Variants in COL4A2 observed in about 807,000 individuals in gnomAD.
COL4A2 encodes collagen alpha-2(IV) chain.
COL4A2 carries 99 observed loss-of-function variants against 200.2 expected under a neutral mutation model. That is an observed-to-expected ratio of 0.49 (90% CI 0.42 to 0.58). The LOEUF (loss-of-function observed/expected upper bound fraction) is 0.58, where lower values mean the gene tolerates loss of function less well. Among genes scored for constraint, COL4A2 ranks in the 20% least tolerant of loss-of-function variants. The pLI is 0.00. For missense variants in COL4A2, 1,950 were observed against 2,314.1 expected, an observed-to-expected ratio of 0.84 and a Z score of 3.23; for synonymous variants, 897 against 900.6, an observed-to-expected ratio of 1.00 and a Z score of 0.07.
At chr13:110,417,234 C>T (rs1489756658) in intron 4 of COL4A2, among the ~76,000 whole-genome samples, 2 of 152,166 alleles carry the variant, frequency 1.3e-5, no homozygotes, top group African/African-American at 2.4e-5. Context: ...GGATTACAGG[C>T]ATGAGCCATC....
At chr13:110,480,693 A>G (rs1246426524) in intron 31 of COL4A2, among the ~76,000 whole-genome samples, 2 of 152,266 alleles carry the variant, frequency 1.3e-5, no homozygotes, top group African/African-American at 4.8e-5. Context: ...GCACAGGGAA[A>G]TTTGTGGAGA....
At chr13:110,484,857 G>A in intron 32 of COL4A2, 48 bp from the exon 33 acceptor site, 2 of 1,550,158 alleles carry the variant, frequency 1.3e-6, no homozygotes, top group Non-Finnish European at 1.7e-6. Context: ...GTGTTCTCCT[G>A]CGTGGTCTGG....
intron 13 of COL4A2, among the ~76,000 whole-genome samples, chr13:110,437,776 G>A (rs569971576): frequency 6.6e-6 from 1 of 152,312 alleles, no homozygotes; most frequent in East Asian, 1.9e-4. Flanking sequence ...TGTACCAAGA[G>A]GAATACAGGA....
At chr13:110,318,409 G>A (rs750695379) in intron 3 of COL4A2, among the ~76,000 whole-genome samples, 11 of 152,128 alleles carry the variant, frequency 7.2e-5, no homozygotes, top group Admixed American at 1.3e-4. Flanking sequence ...ACCTGCAGAC[G>A]TTCACTATTT....
rs1226702439 is a variant in COL4A2 at position 110,512,154 on chromosome 13, ACAT to A, written c.5105_5107del (p.Ile1702del). On this transcript the variant is annotated inframe_deletion, in exon 48 of 48. Transcript: ENST00000360467. Reference sequence around the variant, plus strand: ...CTCAAGGCCGGCCTCATCCGCACACACATCAGCCGCTGCCAGGTGTGCATGAAG... The same window carrying A: ...CTCAAGGCCGGCCTCATCCGCACACACAGCCGCTGCCAGGTGTGCATGAAG... The A allele has an allele frequency of 1.2e-6, 2 of 1,613,076 alleles. No individual in the cohort carries two copies. Among genetic ancestry groups the A allele is most frequent in the Non-Finnish European group, 1.7e-6 (2 of 1,179,922 alleles).
At chr13:110,493,845 G>A (rs533356133) in intron 39 of COL4A2, among the ~76,000 whole-genome samples, 8 of 152,218 alleles carry the variant, frequency 5.3e-5, no homozygotes, top group Admixed American at 3.9e-4. Context: ...CTGGCTGCTC[G>A]CTGTGTCCTC....
chr13:110,392,100 G>C (rs1879005833), intron 4 of COL4A2, among the ~76,000 whole-genome samples: 2 of 152,138 alleles, frequency 1.3e-5, no homozygotes, highest in Admixed American at 6.5e-5. Flanking sequence ...CTTCAAATTT[G>C]AGATTCTAGG....
intron 11 of COL4A2, 22 bp from the exon 12 acceptor site, chr13:110,434,377 TAC>T: frequency 6.2e-7 from 1 of 1,604,480 alleles, no homozygotes; most frequent in Non-Finnish European, 8.5e-7. Context: ...TTTTAAAACT[TAC>T]AGAAATTATT....
chr13:110,489,935 C>A (rs772337511), intron 36 of COL4A2, 150 bp downstream of exon 36: 2 of 751,238 alleles, frequency 2.7e-6, no homozygotes, highest in Non-Finnish European at 4.3e-6. Flanking sequence ...CAAGAAAGAC[C>A]GTCGTTTTTA....
chr13:110,483,079 G>A (rs1447273330), intron 32 of COL4A2, among the ~76,000 whole-genome samples: 1 of 152,180 alleles, frequency 6.6e-6, no homozygotes, highest in African/African-American at 2.4e-5. Context: ...GTGCCAGAGA[G>A]AACGTGGTCC....
chr13:110,500,271 A>G (rs1423888146), intron 40 of COL4A2, among the ~76,000 whole-genome samples: 1 of 152,178 alleles, frequency 6.6e-6, no homozygotes, highest in Non-Finnish European at 1.5e-5. Flanking sequence ...CCAGCTCACT[A>G]TTTCCTGCAG....
Position 110,462,182 on chromosome 13 carries a change from C to G in COL4A2, c.1665C>G (p.Thr555=). ...AAGGAGATTCCAGAACAATCACAAC[C>G]AAAGGTGAGTTCCTCTCTGGCCACG... ...GAKGDSRTIT[T]KGERGQPGVP... is the part of the protein sequence containing the mutation. The change falls in exon 23 of 48, where the codon ACC becomes ACG. Residue 555 remains threonine (T), a synonymous_variant. Transcript: ENST00000360467. 1.2e-6 allele frequency: 2 copies of G among 1,614,250 alleles called. No homozygotes were observed. The highest frequency in any genetic ancestry group is 1.7e-6 in the Non-Finnish European group (2 of 1,180,044).
At chr13:110,333,890 G>T (rs1876046082) in intron 3 of COL4A2, among the ~76,000 whole-genome samples, 2 of 152,184 alleles carry the variant, frequency 1.3e-5, no homozygotes, top group African/African-American at 4.8e-5. Flanking sequence ...GACCTCAAGT[G>T]ACCTTTAGAT....
At chr13:110,332,649 T>C (rs780947635) in intron 3 of COL4A2, among the ~76,000 whole-genome samples, 16 of 152,220 alleles carry the variant, frequency 1.1e-4, no homozygotes, top group Non-Finnish European at 2.1e-4. Flanking sequence ...CACGGAAATA[T>C]GAATTCATCC....
At position 110,416,684 on chromosome 13, in the gene COL4A2, AC is replaced by A. The variant is rs374254979; in HGVS notation, c.181-8046del. On this transcript the variant is annotated intron_variant, in intron 4 of 47. Coordinates refer to ENST00000360467, the MANE Select transcript of COL4A2 (RefSeq NM_001846.4). ...TTTCTCTGCTTTAAAATGTACATCTACCCCAGTCAAATCATTTCAGATAAAA... is the reference window on the plus strand; with the variant it reads ...TTTCTCTGCTTTAAAATGTACATCTACCCAGTCAAATCATTTCAGATAAAA... Among the ~76,000 whole-genome samples, 247 of 152,294 alleles carry A rather than the reference AC, an allele frequency of 1.6e-3. 1 individual carries two copies. The highest frequency in any genetic ancestry group is 5.5e-3 in the African/African-American group (230 of 41,550).
intron 47 of COL4A2, among the ~76,000 whole-genome samples, chr13:110,509,346 G>GA (rs1365870701): frequency 1.4e-5 from 2 of 138,422 alleles, no homozygotes; most frequent in Admixed American, 7.4e-5. Context: ...AAAACAACAG[G>GA]AAAAAAAATC....
At chr13:110,463,822 C>T (rs1311007690) in intron 24 of COL4A2, among the ~76,000 whole-genome samples, 2 of 152,166 alleles carry the variant, frequency 1.3e-5, no homozygotes, top group African/African-American at 4.8e-5. Context: ...AGACATCAGC[C>T]ACCACACCCG....
Position 110,307,296 on chromosome 13 carries a change from A to T in COL4A2, c.-277A>T, listed in dbSNP as rs7989823. ...GCGCGCGGCCCGGGAGTGTGGCTGC[A>T]GTGCGCCGGGACACCAGGGCTCCGC... On this transcript the variant is annotated 5_prime_UTR_variant, in exon 1 of 48. Transcript: ENST00000360467. This position sits in a 1 kb window ranked among gnomAD's most constrained non-coding sequence, Gnocchi z 5.0. 2 of 371,888 alleles carry T rather than the reference A, an allele frequency of 5.4e-6. No homozygotes were observed. Among genetic ancestry groups the T allele is most frequent in the Admixed American group, 4.8e-5 (1 of 20,698 alleles). 23.0% of individuals were successfully genotyped at this position (371,888 alleles called of 1,614,324 possible).
chr13:110,509,242 A>G (rs1454072906), intron 47 of COL4A2, among the ~76,000 whole-genome samples: 1 of 51,058 alleles, frequency 2.0e-5, no homozygotes, highest in Non-Finnish European at 4.3e-5. Flanking sequence ...AATATTTCAT[A>G]AATTATATAT....
Sources: gnomAD v4.1 joint callset for allele counts (sites outside exome capture counted in the v4.1 genomes callset) on GRCh38, gnomAD v4.1.1 for gene constraint, Gnocchi (gnomAD v3.1) non-coding constraint, MANE v1.5 for transcripts, NCBI Gene and HGNC (gene_info 2026-07-23, HGNC 2026-07-21) for gene names.